Variants in AUH observed in about 807,000 individuals in gnomAD.
AUH encodes the protein AU RNA binding methylglutaconyl-CoA hydratase.
In AUH, 29 loss-of-function variants were observed where a neutral mutation model predicts 42.3. That is an observed-to-expected ratio of 0.69 (90% CI 0.51 to 0.93). AUH has a LOEUF of 0.93. Ranked by LOEUF, AUH falls within the 40% of genes least tolerant of loss-of-function variation. The pLI is 0.00. For missense variants in AUH, 452 were observed against 438.1 expected (o/e 1.03, Z -0.28); for synonymous variants, 174 against 166.4 (o/e 1.05, Z -0.35).
chr9:91,330,784 TG>T (rs762392671), intron 3 of AUH, among the ~76,000 whole-genome samples: 1 of 152,186 alleles, frequency 6.6e-6, no homozygotes. Context: ...CCTGCAAATA[TG>T]TTCAATGGAA....
intron 6 of AUH, among the ~76,000 whole-genome samples, chr9:91,249,292 C>CAAAAAAAAAAAAA (rs59102669): frequency 1.8e-4 from 6 of 32,504 alleles, no homozygotes; most frequent in Non-Finnish European, 3.6e-4. Context: ...GAACCTGTCT[C>CAAAAAAAAAAAAA]AAAAAAAAAA....
rs529171137 is a variant in AUH at position 91,302,450 on chromosome 9, G to A, written c.506-4374C>T. Among the ~76,000 whole-genome samples the A allele has an allele frequency of 1.6e-4, 25 of 152,268 alleles. No individual in the cohort carries two copies. In the East Asian group the frequency reaches 4.6e-3, roughly 28 times the overall value. On this transcript the variant is annotated intron_variant, in intron 4 of 9. Coordinates refer to ENST00000375731, the MANE Select transcript of AUH (RefSeq NM_001698.3). Reference sequence around the variant, plus strand: ...ACTAAAAATACAAAATTAGCTGGGCGTGGTGGTACATGACTGTAATCCCAG... The same window carrying A: ...ACTAAAAATACAAAATTAGCTGGGCATGGTGGTACATGACTGTAATCCCAG...
At chr9:91,246,198 C>T (rs1364351622) in intron 6 of AUH, among the ~76,000 whole-genome samples, 2 of 152,154 alleles carry the variant, frequency 1.3e-5, no homozygotes, top group African/African-American at 4.8e-5. Context: ...GAGCCCTCAA[C>T]CAGAATCAAC....
chr9:91,276,412 C>CA (rs1825549110), intron 6 of AUH, among the ~76,000 whole-genome samples: 1 of 130,470 alleles, frequency 7.7e-6, no homozygotes, highest in Admixed American at 7.4e-5. Flanking sequence ...GACCCTGTCT[C>CA]CCAAAAAAAA....
chr9:91,225,292 G>A (rs967530063), intron 6 of AUH, among the ~76,000 whole-genome samples: 4 of 152,172 alleles, frequency 2.6e-5, no homozygotes, highest in African/African-American at 4.8e-5. Context: ...AGCATGCCAT[G>A]CCTGGCATCA....
At chr9:91,259,395 T>C (rs1829585177) in intron 6 of AUH, among the ~76,000 whole-genome samples, 1 of 152,128 alleles carries the variant, frequency 6.6e-6, no homozygotes, top group South Asian at 2.1e-4. Context: ...ACCTCACCTC[T>C]GACCTACCAC....
intron 6 of AUH, among the ~76,000 whole-genome samples, chr9:91,282,260 A>G (rs1201798554): frequency 6.6e-6 from 1 of 152,050 alleles, no homozygotes; most frequent in Non-Finnish European, 1.5e-5. Context: ...TTTCAATGTT[A>G]CCTTTTAAAT....
At chr9:91,228,019 T>C (rs540782910) in intron 6 of AUH, among the ~76,000 whole-genome samples, 1 of 152,336 alleles carries the variant, frequency 6.6e-6, no homozygotes, top group African/African-American at 2.4e-5. Context: ...ATTCTCTTTT[T>C]TGGTTGTGTG....
At chr9:91,304,648 C>T (rs1587819395) in intron 4 of AUH, among the ~76,000 whole-genome samples, 1 of 152,148 alleles carries the variant, frequency 6.6e-6, no homozygotes, top group Non-Finnish European at 1.5e-5. Context: ...AAATGGGATA[C>T]TAATATTCTC....
At chr9:91,279,673 G>C (rs1394532041) in intron 6 of AUH, among the ~76,000 whole-genome samples, 1 of 152,142 alleles carries the variant, frequency 6.6e-6, no homozygotes, top group Non-Finnish European at 1.5e-5. Flanking sequence ...GTGCAAAGCT[G>C]TTCATGGGAA....
rs1587897602 is a variant in AUH at position 91,341,355 on chromosome 9, A to T, written c.418+14528T>A. 2.0e-5 allele frequency among the ~76,000 whole-genome samples: 3 copies of T among 152,294 alleles called. No individual in the cohort carries two copies. The South Asian group carries it at 6.2e-4, about 32-fold the overall frequency. On this transcript the variant is annotated intron_variant, in intron 3 of 9. Coordinates refer to ENST00000375731, the MANE Select transcript of AUH (RefSeq NM_001698.3). ...AGAGGCAGCTGTGCTCCTCCAAGAC[A>T]TCCCTTGTGGTAGCAGGTGGGAGAG...
chr9:91,337,097 C>T (rs903079104), intron 3 of AUH, among the ~76,000 whole-genome samples: 3 of 152,216 alleles, frequency 2.0e-5, no homozygotes, highest in African/African-American at 7.2e-5. Context: ...ATCGCACATC[C>T]TCTTGGCAAA....
At chr9:91,345,384 A>C (rs1409632168) in intron 3 of AUH, among the ~76,000 whole-genome samples, 2 of 152,180 alleles carry the variant, frequency 1.3e-5, no homozygotes, top group Non-Finnish European at 2.9e-5. Context: ...AAATCAATAT[A>C]CTAGCAATAT....
intron 6 of AUH, among the ~76,000 whole-genome samples, chr9:91,265,962 GT>G (rs905000618): frequency 6.6e-6 from 1 of 151,198 alleles, no homozygotes; most frequent in African/African-American, 2.4e-5. Context: ...CTCTTTTATA[GT>G]TTATGTTTTC....
intron 6 of AUH, among the ~76,000 whole-genome samples, chr9:91,263,395 T>C (rs541551442): frequency 2.0e-5 from 3 of 152,334 alleles, no homozygotes; most frequent in South Asian, 4.1e-4. Flanking sequence ...GAAAAATAAT[T>C]GTTCATGTGA....
chr9:91,321,798 G>T (rs1331121018), intron 4 of AUH, among the ~76,000 whole-genome samples: 7 of 152,002 alleles, frequency 4.6e-5, no homozygotes, highest in Non-Finnish European at 8.8e-5. Flanking sequence ...TTCAAATTTG[G>T]GTATGCATAA....
chr9:91,214,079 T>C lies in AUH; in HGVS notation c.*269A>G. The C allele has an allele frequency of 2.7e-6, 1 of 366,456 alleles. No homozygotes were observed. The highest frequency in any genetic ancestry group is 3.3e-5 in the South Asian group (1 of 30,300). The allele number at this position is 366,456 out of a possible 1,614,324, so 22.7% of individuals were successfully genotyped here. A position where few individuals can be genotyped will look rare whatever the true frequency, so the allele number is the denominator to read the frequency against. ...ATTAAAAAATTAACAGAAAGCCTCA[T>C]ATGCAGTAAATATTTAAAAATGTAT... On this transcript the variant is annotated 3_prime_UTR_variant, in exon 10 of 10. Coordinates refer to ENST00000375731, the MANE Select transcript of AUH (RefSeq NM_001698.3).
intron 3 of AUH, among the ~76,000 whole-genome samples, chr9:91,354,943 A>G (rs993502261): frequency 1.4e-4 from 21 of 152,142 alleles, no homozygotes; most frequent in African/African-American, 5.1e-4. Flanking sequence ...AGAACTCAAA[A>G]TATACATAAA....
At position 91,272,537 on chromosome 9, in the gene AUH, CCT is replaced by C. The variant is rs147667090; in HGVS notation, c.655+23482_655+23483del. 2.9e-3 allele frequency among the ~76,000 whole-genome samples: 436 copies of C among 152,262 alleles called. 5 individuals carry two copies. The highest frequency in any genetic ancestry group is 0.01 in the African/African-American group (417 of 41,536). On this transcript the variant is annotated intron_variant, in intron 6 of 9. Transcript: ENST00000375731. ...GGGAGCAGTGCCCAGCACCCTCCCA[CCT>C]CTGTCTTAAGACCATCAGGATTCAT...
Sources: allele counts gnomAD v4.1 joint callset (sites outside exome capture counted in the v4.1 genomes callset), GRCh38; gene constraint gnomAD v4.1.1; transcripts MANE v1.5; gene names NCBI Gene and HGNC (gene_info 2026-07-23, HGNC 2026-07-21).